Variants in QARS1 observed in about 807,000 individuals in gnomAD.
QARS1 encodes glutaminyl-tRNA synthetase 1.
A neutral mutation model predicts 106.9 loss-of-function variants in QARS1; 79 were observed. The observed-to-expected ratio is 0.74, with a 90% confidence interval of 0.62 to 0.89. The LOEUF is 0.89. Ranked by LOEUF, QARS1 falls within the 40% of genes least tolerant of loss-of-function variation. QARS1 has a pLI of 0.00. For missense variants in QARS1, 966 were observed against 997.2 expected (o/e 0.97, Z 0.42); for synonymous variants, 395 against 367.7 (o/e 1.07, Z -0.85).
intron 1 of QARS1, 33 bp from the exon 2 acceptor site, chr3:49,104,504 C>A: frequency 6.2e-7 from 1 of 1,611,506 alleles, no homozygotes. Context: ...AGAAGCCCCG[C>A]GCTCAGTGAG....
Position 49,100,113 on chromosome 3 carries a change from G to C in QARS1, c.1165-22C>G, listed in dbSNP as rs760988003. On this transcript the variant is annotated intron_variant, in intron 13 of 23. Transcript: ENST00000306125. ...TTGCCTGAGGGGAACAAGGACTCAG[G>C]CTGTCTCTAAGCACAGGAGCATCTC... The C allele has an allele frequency of 8.1e-6, 13 of 1,614,234 alleles. No individual in the cohort carries two copies. In the East Asian group the frequency reaches 8.9e-5, roughly 11 times the overall value.
In QARS1 at chr3:49,099,227, T is replaced by C. The variant is rs1249686253; in HGVS notation, c.1641A>G (p.Thr547=). The change falls in exon 18 of 24, where the codon ACA becomes ACG. Residue 547 remains threonine, a synonymous_variant. Transcript: ENST00000306125. ...ARVGVTVAQT[T]MEPHLLEACV... ...AGGCTTCTAGAAGATGTGGCTCCATTGTGGTTTGTGCCACAGTCACTCCCA... is the reference window on the plus strand; with the variant it reads ...AGGCTTCTAGAAGATGTGGCTCCATCGTGGTTTGTGCCACAGTCACTCCCA... 6.2e-7 allele frequency: 1 copy of C among 1,614,162 alleles called. No individual in the cohort carries two copies. The highest frequency in any genetic ancestry group is 8.5e-7 in the Non-Finnish European group (1 of 1,180,018).
intron 7 of QARS1, 96 bp from the exon 8 acceptor site, chr3:49,101,995 C>T: frequency 7.1e-7 from 1 of 1,400,158 alleles, no homozygotes; most frequent in Non-Finnish European, 9.8e-7. Context: ...TCCCTCAATT[C>T]CAGAGACAAG....
rs747271275 is a variant in QARS1, at chr3:49,104,756, A to G, written c.-23T>C. 3.1e-6 allele frequency: 5 copies of G among 1,605,644 alleles called. No individual in the cohort carries two copies. In the South Asian group the frequency reaches 4.4e-5, roughly 14 times the overall value. ...CATTGCAGAGACACCGGAAACTAAAAGAAACTTAGGCCCCAGTCTGCAGGT... is the reference window on the plus strand; with the variant it reads ...CATTGCAGAGACACCGGAAACTAAAGGAAACTTAGGCCCCAGTCTGCAGGT... On this transcript the variant is annotated 5_prime_UTR_variant, in exon 1 of 24. Transcript: ENST00000306125.
Position 49,100,091 on chromosome 3 carries a change from C to T in QARS1, c.1165G>A (p.Ala389Thr). Reference protein sequence around the residue: ...PMEESLLLFEAMRKGKFSEGE... With the variant: ...PMEESLLLFETMRKGKFSEGE... ...TCTGAAAACTTGCCCTTGCGCATTG[C>T]CTGAGGGGAACAAGGACTCAGGCTG... Residue 389 changes from alanine to threonine, a missense_variant and splice_region_variant, in exon 14 of 24, where the codon GCA becomes ACA. Transcript: ENST00000306125. The T allele has an allele frequency of 6.2e-7, 1 of 1,614,218 alleles. No individual in the cohort carries two copies. The highest frequency in any genetic ancestry group is 8.5e-7 in the Non-Finnish European group (1 of 1,180,044).
In QARS1 at chr3:49,098,932, C is replaced by A; in HGVS notation, c.1816G>T (p.Val606Phe). ...ATGAAGACAATGGGTGCAAAGGGAA[C>A]CTGATGGAAGCCTTTGGTCTCATCA... is the stretch of plus-strand genomic sequence containing the variant. ...PADETKGFHQ[V>F]PFAPIVFIER... Residue 606 changes from valine to phenylalanine, a missense_variant, in exon 19 of 24, where the codon GTT becomes TTT. Coordinates refer to ENST00000306125, the MANE Select transcript of QARS1 (RefSeq NM_005051.3). The A allele has an allele frequency of 6.2e-7, 1 of 1,614,138 alleles. No individual in the cohort carries two copies. Among genetic ancestry groups the A allele is most frequent in the Non-Finnish European group, 8.5e-7 (1 of 1,180,002 alleles).
intron 2 of QARS1, 21 bp downstream of exon 2, chr3:49,104,303 C>T (rs773339355): frequency 6.2e-7 from 1 of 1,612,424 alleles, no homozygotes; most frequent in East Asian, 2.2e-5. Flanking sequence ...TGCGAACTGG[C>T]AGGACAGGTA....
At chr3:49,102,386 C>A (rs1042819161) in intron 6 of QARS1, 33 bp downstream of exon 6, 1 of 1,613,756 alleles carries the variant, frequency 6.2e-7, no homozygotes, top group Non-Finnish European at 8.5e-7. Context: ...CCTCACCTCA[C>A]CCTCAGGGAC....
chr3:49,099,250 C>T lies in QARS1; in HGVS notation c.1618G>A (p.Gly540Arg). ...ATTGTGGTTTGTGCCACAGTCACTC[C>T]CACCTGGCAGGAAAGTTCAGCATCA... ...EAINNFCARV[G>R]VTVAQTTMEP... The change falls in exon 18 of 24, where the codon GGA (glycine) becomes AGA (arginine). Residue 540 changes from glycine (G) to arginine (R), a missense_variant. Physicochemically the swap from Gly to Arg is moderately radical, Grantham distance 125. Coordinates refer to ENST00000306125, the MANE Select transcript of QARS1 (RefSeq NM_005051.3). The T allele has an allele frequency of 1.2e-6, 2 of 1,614,158 alleles. No individual in the cohort carries two copies. Among genetic ancestry groups the T allele is most frequent in the Non-Finnish European group, 1.7e-6 (2 of 1,180,012 alleles).
chr3:49,098,449 AC>A lies in QARS1; in HGVS notation c.1987del (p.Val663Ter). 2 of 1,613,952 alleles carry A rather than the reference AC, an allele frequency of 1.2e-6. No individual in the cohort carries two copies. The highest frequency in any genetic ancestry group is 2.2e-5 in the South Asian group (2 of 91,064). ...GPSGCVESLE[V>X]TCRRADAGEK... ...TCCAGCATCTGCCCGTCTGCAGGTC[AC>A]CTCCAGACTCTCTACACAACCACTG... On this transcript the variant is annotated frameshift_variant, in exon 21 of 24. Coordinates refer to ENST00000306125, the MANE Select transcript of QARS1 (RefSeq NM_005051.3). LOFTEE classifies it high-confidence loss of function.
intron 4 of QARS1, 28 bp from the exon 5 acceptor site, chr3:49,103,437 G>A (rs773858048): frequency 1.2e-5 from 19 of 1,611,938 alleles, no homozygotes; most frequent in Non-Finnish European, 1.5e-5. Flanking sequence ...AGGAGCTGCA[G>A]AAAGGCAAAA....
In QARS1 at chr3:49,104,634, G is replaced by A. The variant is rs1316852653; in HGVS notation, c.100C>T (p.Arg34Cys). ...LKNSALSAQL[R>C]EAATQAQQTL... Reference sequence around the variant, plus strand: ...GCTCGCACCTGAGTAGCGGCCTCGCGCAGCTGCGCGCTCAGAGCCGAGTTC... The same window carrying A: ...GCTCGCACCTGAGTAGCGGCCTCGCACAGCTGCGCGCTCAGAGCCGAGTTC... The change falls in exon 1 of 24, where the codon CGC becomes TGC. Residue 34 changes from arginine (R) to cysteine (C), a missense_variant. Physicochemically the swap from Arg to Cys is radical, Grantham distance 180. Coordinates refer to ENST00000306125, the MANE Select transcript of QARS1 (RefSeq NM_005051.3). The A allele has an allele frequency of 2.5e-6, 4 of 1,604,968 alleles. No homozygotes were observed. Among genetic ancestry groups the A allele is most frequent in the Middle Eastern group, 1.7e-4 (1 of 6,034 alleles).
chr3:49,099,921 T>C (rs2042445356), intron 14 of QARS1, 40 bp downstream of exon 14: 1 of 1,613,920 alleles, frequency 6.2e-7, no homozygotes, highest in Non-Finnish European at 8.5e-7. Context: ...CCCATCGCCC[T>C]GCTCGGCAGC....
chr3:49,098,451 C>T lies in QARS1; in HGVS notation c.1986G>A (p.Glu662=), dbSNP rs1368902295. 7 of 1,614,226 alleles carry T rather than the reference C, an allele frequency of 4.3e-6. No individual in the cohort carries two copies. The highest frequency in any genetic ancestry group is 3.3e-5 in the Admixed American group (2 of 60,028). Residue 662 remains glutamate, a synonymous_variant, in exon 21 of 24, where the codon GAG becomes GAA. Coordinates refer to ENST00000306125, the MANE Select transcript of QARS1 (RefSeq NM_005051.3). Reference sequence around the variant, plus strand: ...CAGCATCTGCCCGTCTGCAGGTCACCTCCAGACTCTCTACACAACCACTGG... The same window carrying T: ...CAGCATCTGCCCGTCTGCAGGTCACTTCCAGACTCTCTACACAACCACTGG... ...KGPSGCVESL[E]VTCRRADAGE... is the part of the protein sequence containing the mutation.
At chr3:49,103,837 C>G (rs755381754) in intron 3 of QARS1, 26 bp downstream of exon 3, 5 of 1,609,336 alleles carry the variant, frequency 3.1e-6, no homozygotes, top group Non-Finnish European at 4.3e-6. Context: ...ACTGGGGAGG[C>G]AGACGATGCC....
chr3:49,095,952 C>G lies in QARS1; in HGVS notation c.*77G>C. 1 of 1,388,796 alleles carries G rather than the reference C, an allele frequency of 7.2e-7. No homozygotes were observed. Among genetic ancestry groups the G allele is most frequent in the East Asian group, 2.3e-5 (1 of 43,236 alleles). 86.0% of individuals were successfully genotyped at this position (1,388,796 alleles called of 1,614,324 possible). ...CAGACTCTAGGAGAATTTAGCTGTT[C>G]TTTATTGACATGGAATTTGGGGTGG... On this transcript the variant is annotated 3_prime_UTR_variant, in exon 24 of 24. Transcript: ENST00000306125.
chr3:49,098,672 C>T lies in QARS1; in HGVS notation c.1884G>A (p.Lys628=), dbSNP rs764987448. 2.5e-5 allele frequency: 40 copies of T among 1,604,520 alleles called. No individual in the cohort carries two copies. In the Middle Eastern group the frequency reaches 5.1e-4, roughly 21 times the overall value. The change falls in exon 20 of 24, where the codon AAG becomes AAA. Residue 628 remains lysine (K), a synonymous_variant. Transcript: ENST00000306125. Reference sequence around the variant, plus strand: ...CCACAGGCTGGCCCCAAGCCAGGCGCTTAAATCCTGGCTCTGGCTCCTAGA... The same window carrying T: ...CCACAGGCTGGCCCCAAGCCAGGCGTTTAAATCCTGGCTCTGGCTCCTAGA... The part of the protein sequence containing the change: ...DFKEEPEPGF[K]RLAWGQPVGL...
chr3:49,099,387 CGTCGCA>C lies in QARS1; in HGVS notation c.1565_1570del (p.Leu522_Arg523del). The C allele has an allele frequency of 1.9e-6, 3 of 1,614,180 alleles. No homozygotes were observed. Among genetic ancestry groups the C allele is most frequent in the Non-Finnish European group, 2.5e-6 (3 of 1,180,016 alleles). ...GATGGCCTCAGGTGGGAAGCCCCGC[CGTCGCA>C]GGGCCGTGAGTGTAAAGAGCCGTGG... On this transcript the variant is annotated inframe_deletion, in exon 17 of 24. Transcript: ENST00000306125.
chr3:49,100,558 C>G lies in QARS1; in HGVS notation c.976+17G>C, dbSNP rs527696905. 1.3e-6 allele frequency: 2 copies of G among 1,594,412 alleles called. No homozygotes were observed. Among genetic ancestry groups the G allele is most frequent in the Non-Finnish European group, 1.7e-6 (2 of 1,162,098 alleles). On this transcript the variant is annotated intron_variant, in intron 11 of 23. Transcript: ENST00000306125. ...CCCACTAACCACCAGCCCTTCTAGG[C>G]TTTGCCTAGTCCATACCTAGCCAGG...
Sources: allele counts gnomAD v4.1 joint callset, GRCh38; gene constraint gnomAD v4.1.1; transcripts MANE v1.5; gene names NCBI Gene and HGNC (gene_info 2026-07-23, HGNC 2026-07-21).